FAM227B: variants seen among roughly 807,000 people sequenced by gnomAD.
FAM227B encodes the protein protein FAM227B.
A neutral mutation model predicts 73.8 loss-of-function variants in FAM227B; 88 were observed. The observed-to-expected ratio is 1.19, with a 90% CI of 1.00 to 1.42. The LOEUF is 1.42. FAM227B is among the 40% of genes most tolerant of loss of function. The pLI, the probability that FAM227B is intolerant of heterozygous loss-of-function variation, is 0.00. For synonymous variants in FAM227B, 210 were observed against 190.5 expected (o/e 1.10, Z -0.84); for missense variants, 632 against 590.9 (o/e 1.07, Z -0.72).
intron 11 of FAM227B, among the ~76,000 whole-genome samples, chr15:49,457,710 C>T (rs2053438017): frequency 6.6e-6 from 1 of 151,610 alleles, no homozygotes; most frequent in Non-Finnish European, 1.5e-5. Flanking sequence ...TCTATTACTT[C>T]AGTATTTAGA....
At chr15:49,545,764 G>C (rs2071750269) in intron 9 of FAM227B, among the ~76,000 whole-genome samples, 1 of 152,032 alleles carries the variant, frequency 6.6e-6, no homozygotes, top group Admixed American at 6.5e-5. Flanking sequence ...GATCATTCAG[G>C]AGCAGATTAT....
rs1247350944 is a variant in FAM227B, at chr15:49,489,879, TATATAG to T, written c.1012+18326_1012+18331del. On this transcript the variant is annotated intron_variant, in intron 11 of 15. Coordinates refer to ENST00000299338, the MANE Select transcript of FAM227B (RefSeq NM_152647.3). ...TATATTTTATATATATATATATATA[TATATAG>T]AGAGAGAGAGAGAGAGAGAGAGAGA... 9.8e-4 allele frequency among the ~76,000 whole-genome samples: 18 copies of T among 18,448 alleles called. 2 individuals are homozygous for T. The highest frequency in any genetic ancestry group is 1.4e-3 in the African/African-American group (11 of 7,826). The allele number at this position is 18,448 out of a possible 152,430, so 12.1% of individuals were successfully genotyped here.
intron 11 of FAM227B, among the ~76,000 whole-genome samples, chr15:49,441,905 T>G (rs1597215073): frequency 6.6e-6 from 1 of 151,780 alleles, no homozygotes; most frequent in East Asian, 2.0e-4. Flanking sequence ...CTTATGCATT[T>G]ATTTTTATCA....
At chr15:49,560,137 G>T (rs1251077400) in intron 9 of FAM227B, among the ~76,000 whole-genome samples, 4 of 151,856 alleles carry the variant, frequency 2.6e-5, no homozygotes, top group South Asian at 2.1e-4. Context: ...AACTTCTAAA[G>T]GAATCCAGGA....
chr15:49,328,318 T>C lies in FAM227B; in HGVS notation c.*250A>G. ...CAAAGAAATGGTTGAAAGCTCTCTA[T>C]GCTTCATAATGATTCTTTTTCCATC... On this transcript the variant is annotated 3_prime_UTR_variant, in exon 16 of 16. Transcript: ENST00000299338. 7.0e-7 allele frequency: 1 copy of C among 1,433,684 alleles called. No individual in the cohort carries two copies. Among genetic ancestry groups the C allele is most frequent in the East Asian group, 2.5e-5 (1 of 39,990 alleles). 88.8% of individuals were successfully genotyped at this position (1,433,684 alleles called of 1,614,324 possible).
At chr15:49,591,012 CT>C (rs1407376071) in intron 3 of FAM227B, among the ~76,000 whole-genome samples, 1 of 138,758 alleles carries the variant, frequency 7.2e-6, no homozygotes, top group Non-Finnish European at 1.6e-5. Context: ...TCTTTTCTTT[CT>C]CTTTCTCTTT....
chr15:49,572,125 G>A (rs1244920944), intron 8 of FAM227B, among the ~76,000 whole-genome samples: 1 of 151,782 alleles, frequency 6.6e-6, no homozygotes, highest in African/African-American at 2.4e-5. Context: ...AAACAGAATT[G>A]TTTTCTTGAT....
At chr15:49,373,648 C>T (rs1353485810) in intron 11 of FAM227B, among the ~76,000 whole-genome samples, 1 of 152,118 alleles carries the variant, frequency 6.6e-6, no homozygotes, top group African/African-American at 2.4e-5. Flanking sequence ...AATTTCATTT[C>T]CATAATTATC....
intron 9 of FAM227B, among the ~76,000 whole-genome samples, chr15:49,546,677 T>G (rs1277806538): frequency 6.6e-6 from 1 of 152,234 alleles, no homozygotes; most frequent in African/African-American, 2.4e-5. Context: ...GGTATCTCAT[T>G]GTGGTTTTGA....
intron 3 of FAM227B, among the ~76,000 whole-genome samples, chr15:49,591,029 G>GTTTTTTTTTTTTTTTTTTTTTTTT (rs71424023): frequency 1.2e-4 from 13 of 105,596 alleles, no homozygotes; most frequent in African/African-American, 2.8e-4. Flanking sequence ...TCTTTTTTTT[G>GTTTTTTTTTTTTTTTTTTTTTTTT]TTTTTTTTTT....
At chr15:49,521,491 C>T (rs2059782233) in intron 10 of FAM227B, among the ~76,000 whole-genome samples, 1 of 152,212 alleles carries the variant, frequency 6.6e-6, no homozygotes, top group Admixed American at 6.5e-5. Context: ...ATAGCCAAGG[C>T]TTTCCCCACT....
chr15:49,366,799 G>A (rs1208400089), intron 13 of FAM227B: 4 of 569,426 alleles, frequency 7.0e-6, no homozygotes, highest in Non-Finnish European at 1.2e-5. Flanking sequence ...GGCTGGGATC[G>A]CCGCTGCTGC....
chr15:49,531,263 T>C (rs1196315502), intron 10 of FAM227B, among the ~76,000 whole-genome samples: 1 of 151,878 alleles, frequency 6.6e-6, no homozygotes, highest in African/African-American at 2.4e-5. Context: ...ATATTATGTA[T>C]TGTGTATGCT....
At chr15:49,546,055 C>A (rs897670290) in intron 9 of FAM227B, among the ~76,000 whole-genome samples, 8 of 151,566 alleles carry the variant, frequency 5.3e-5, no homozygotes, top group Non-Finnish European at 8.8e-5. Flanking sequence ...TGTGCTGCAC[C>A]CATTAACTCG....
chr15:49,577,773 T>C, intron 5 of FAM227B, 109 bp from the exon 6 acceptor site: 4 of 597,958 alleles, frequency 6.7e-6, no homozygotes, highest in Non-Finnish European at 1.2e-5. Flanking sequence ...GATATATGTA[T>C]ATATATCCTA....
intron 3 of FAM227B, among the ~76,000 whole-genome samples, chr15:49,605,146 G>A (rs1363615534): frequency 6.6e-6 from 1 of 152,086 alleles, no homozygotes; most frequent in East Asian, 1.9e-4. Context: ...CTCTTCTGGG[G>A]GCTGGCTTCA....
At chr15:49,392,195 A>C (rs2047256605) in intron 11 of FAM227B, among the ~76,000 whole-genome samples, 1 of 152,212 alleles carries the variant, frequency 6.6e-6, no homozygotes, top group African/African-American at 2.4e-5. Flanking sequence ...TGAAACTTCT[A>C]GGATGCAAAA....
chr15:49,570,314 A>T (rs1010495650), intron 8 of FAM227B, among the ~76,000 whole-genome samples: 12 of 151,864 alleles, frequency 7.9e-5, no homozygotes, highest in African/African-American at 2.2e-4. Context: ...TTTTGATAAC[A>T]GTCATGTGAG....
intron 11 of FAM227B, chr15:49,434,750 C>A (rs1475871416): frequency 6.6e-6 from 1 of 151,324 alleles, no homozygotes; most frequent in Non-Finnish European, 1.5e-5. Flanking sequence ...ACATAACTAC[C>A]AGCAACTTAA....
Sources: gnomAD v4.1 joint callset for allele counts (sites outside exome capture counted in the v4.1 genomes callset) on GRCh38, gnomAD v4.1.1 for gene constraint, MANE v1.5 for transcripts, NCBI Gene and HGNC (gene_info 2026-07-23, HGNC 2026-07-21) for gene names.